Variants in AFG2A observed in about 807,000 individuals in gnomAD.
AFG2A encodes AAA ATPase AFG2A.
the AFG2A span, among the ~76,000 whole-genome samples, chr4:123,156,978 G>C: frequency 6.6e-6 from 1 of 151,548 alleles, no homozygotes; most frequent in Non-Finnish European, 1.5e-5. Flanking sequence ...GGGGTGAGAC[G>C]CAAATTTGGC....
chr4:122,970,281 C>A, the AFG2A span, among the ~76,000 whole-genome samples: 1 of 152,042 alleles, frequency 6.6e-6, no homozygotes, highest in Non-Finnish European at 1.5e-5. Flanking sequence ...GTTATAGTTA[C>A]CTATGGTACT....
chr4:123,023,763 G>C, the AFG2A span, among the ~76,000 whole-genome samples: 1 of 151,950 alleles, frequency 6.6e-6, no homozygotes, highest in African/African-American at 2.4e-5. Flanking sequence ...CCTCCGAGCC[G>C]GTTAGGCTAC....
the AFG2A span, among the ~76,000 whole-genome samples, chr4:123,049,858 GT>G: frequency 4.0e-5 from 6 of 151,660 alleles, no homozygotes; most frequent in Non-Finnish European, 7.4e-5. Context: ...GTAATTTTGG[GT>G]TTGGTTTGTT....
chr4:122,938,151 G>A, the AFG2A span: 2 of 1,606,390 alleles, frequency 1.2e-6, no homozygotes, highest in East Asian at 2.2e-5. Flanking sequence ...TTTTATTGAT[G>A]AGCTGGATGC....
the AFG2A span, among the ~76,000 whole-genome samples, chr4:123,170,033 G>C: frequency 1.1e-4 from 16 of 152,154 alleles, no homozygotes; most frequent in African/African-American, 3.9e-4. Flanking sequence ...GTTCGTTTTG[G>C]AGGTTCTAAC....
chr4:123,262,459 C>T, the AFG2A span, among the ~76,000 whole-genome samples: 1 of 152,190 alleles, frequency 6.6e-6, no homozygotes, highest in East Asian at 1.9e-4. Flanking sequence ...TCTCTCAGTT[C>T]CACTTGAAGG....
chr4:123,175,525 A>G, the AFG2A span, among the ~76,000 whole-genome samples: 2 of 152,226 alleles, frequency 1.3e-5, no homozygotes, highest in African/African-American at 4.8e-5. Context: ...TAATGAGGAC[A>G]TTCATGCACT....
At chr4:123,121,688 G>T in the AFG2A span, among the ~76,000 whole-genome samples, 1 of 152,104 alleles carries the variant, frequency 6.6e-6, no homozygotes, top group Non-Finnish European at 1.5e-5. Context: ...TACCATCTAG[G>T]TTTGTGTAAG....
chr4:123,104,845 C>T, the AFG2A span, among the ~76,000 whole-genome samples: 1 of 152,072 alleles, frequency 6.6e-6, no homozygotes, highest in Non-Finnish European at 1.5e-5. Context: ...TGGCAGCTAG[C>T]AGAACTTGGG....
At chr4:123,229,678 A>G in the AFG2A span, among the ~76,000 whole-genome samples, 2 of 151,972 alleles carry the variant, frequency 1.3e-5, no homozygotes, top group African/African-American at 4.8e-5. Context: ...GGTTTCTGGG[A>G]TGATGGAAAT....
chr4:122,947,146 T>C, the AFG2A span: 1 of 1,336,446 alleles, frequency 7.5e-7, no homozygotes, highest in Admixed American at 2.9e-5. Context: ...AGATGTTTCA[T>C]CCTTGTCTAT....
chr4:122,949,533 A>T, the AFG2A span, among the ~76,000 whole-genome samples: 3 of 152,126 alleles, frequency 2.0e-5, no homozygotes, highest in African/African-American at 7.2e-5. Flanking sequence ...TCTTCTGGAG[A>T]GAGATAACCA....
the AFG2A span, among the ~76,000 whole-genome samples, chr4:123,112,005 G>T: frequency 6.6e-6 from 1 of 152,128 alleles, no homozygotes; most frequent in East Asian, 1.9e-4. Flanking sequence ...TTACAGGTGT[G>T]AGCCACCGCA....
At chr4:123,305,397 G>A in the AFG2A span, among the ~76,000 whole-genome samples, 1 of 152,088 alleles carries the variant, frequency 6.6e-6, no homozygotes, top group Admixed American at 6.5e-5. Flanking sequence ...CACTCTCATG[G>A]GTATGTTTGC....
the AFG2A span, among the ~76,000 whole-genome samples, chr4:123,155,210 G>A: frequency 7.2e-5 from 11 of 152,018 alleles, no homozygotes; most frequent in South Asian, 1.5e-3. Flanking sequence ...TCAGCCTCCC[G>A]AGTAGCGTGG....
the AFG2A span, chr4:123,256,020 T>C: frequency 6.2e-7 from 1 of 1,614,080 alleles, no homozygotes; most frequent in African/African-American, 1.3e-5. Flanking sequence ...TTATAGGCTT[T>C]GATGCGGCCT....
the AFG2A span, among the ~76,000 whole-genome samples, chr4:123,184,914 A>G: frequency 6.6e-6 from 1 of 152,222 alleles, no homozygotes; most frequent in Admixed American, 6.5e-5. Context: ...TTCTTTGGTT[A>G]GCGTGATAAA....
At chr4:123,296,185 A>AT in the AFG2A span, among the ~76,000 whole-genome samples, 1 of 152,130 alleles carries the variant, frequency 6.6e-6, no homozygotes, top group Non-Finnish European at 1.5e-5. Flanking sequence ...CAAAAAAAAA[A>AT]AAAATCAAAC....
At chr4:123,082,576 A>G in the AFG2A span, among the ~76,000 whole-genome samples, 1 of 136,910 alleles carries the variant, frequency 7.3e-6, no homozygotes, top group Non-Finnish European at 1.6e-5. Flanking sequence ...GTCGCTTTAT[A>G]GGAAGTCTTG....
Sources: gnomAD v4.1 joint callset for allele counts (sites outside exome capture counted in the v4.1 genomes callset) on GRCh38, gnomAD v4.1.1 for gene constraint, MANE v1.5 for transcripts, NCBI Gene and HGNC (gene_info 2026-07-23, HGNC 2026-07-21) for gene names.